The following PGM2L1 variants were observed in gnomAD, a reference collection of about 807,000 sequenced individuals.
PGM2L1 encodes the protein glucose 1,6-bisphosphate synthase.
In PGM2L1, 35 loss-of-function variants were observed where a neutral mutation model predicts 73.4. The observed-to-expected ratio is 0.48, with a 90% CI of 0.36 to 0.63. The LOEUF (loss-of-function observed/expected upper bound fraction) is 0.63. PGM2L1 is among the 30% of genes least tolerant of loss of function. PGM2L1 has a pLI of 0.00. For missense variants in PGM2L1, 570 were observed against 742.0 expected (o/e 0.77, Z 2.69); for synonymous variants, 225 against 253.8 (o/e 0.89, Z 1.08).
chr11:74,350,897 AAGAGAGAG>A (rs35421915), intron 6 of PGM2L1, among the ~76,000 whole-genome samples: 6 of 146,438 alleles, frequency 4.1e-5, no homozygotes, highest in African/African-American at 1.2e-4. Flanking sequence ...GAAAGAAAGA[AAGAGAGAG>A]AGAGAGAGAG....
chr11:74,363,117 A>C (rs1862592874), intron 5 of PGM2L1, among the ~76,000 whole-genome samples: 1 of 152,210 alleles, frequency 6.6e-6, no homozygotes, highest in East Asian at 1.9e-4. Context: ...TGGAAACTGA[A>C]CAACCTGCTC....
intron 5 of PGM2L1, chr11:74,355,365 C>A: frequency 1.5e-6 from 1 of 656,996 alleles, no homozygotes; most frequent in Non-Finnish European, 2.8e-6. Context: ...AGCAGCCTGG[C>A]CAATGTGACA....
rs1344729876 is a variant in PGM2L1 at position 74,334,347 on chromosome 11, TACA to T, written c.*2302_*2304del. 6.6e-5 allele frequency: 10 copies of T among 152,370 alleles called. No individual in the cohort carries two copies. The highest frequency in any genetic ancestry group is 6.8e-3 in the Middle Eastern group (2 of 294). The allele number at this position is 152,370 out of a possible 1,614,324, so 9.4% of individuals were successfully genotyped here. A position where few individuals can be genotyped will look rare whatever the true frequency, so the allele number is the denominator to read the frequency against. On this transcript the variant is annotated 3_prime_UTR_variant, in exon 14 of 14. Transcript: ENST00000298198. ...ACCAAATATACCTGTTTTTCATATA[TACA>T]ACATTATACCACTTTGCAGAATATA...
intron 5 of PGM2L1, among the ~76,000 whole-genome samples, chr11:74,368,196 C>T (rs1431229452): frequency 6.6e-6 from 1 of 152,140 alleles, no homozygotes; most frequent in Admixed American, 6.5e-5. Context: ...TTTTCAAGTA[C>T]TTGCTGCAAT....
At position 74,332,175 on chromosome 11, in the gene PGM2L1, T is replaced by G. The variant is rs1280073616; in HGVS notation, c.*4477A>C. ...GGGACAAATGTGAATAAGATTTCCTTAGATCTTGTGCTTTGGCTCCCCAAG... is the reference window on the plus strand; with the variant it reads ...GGGACAAATGTGAATAAGATTTCCTGAGATCTTGTGCTTTGGCTCCCCAAG... On this transcript the variant is annotated 3_prime_UTR_variant, in exon 14 of 14. Coordinates refer to ENST00000298198, the MANE Select transcript of PGM2L1 (RefSeq NM_173582.6). 6.6e-6 allele frequency: 1 copy of G among 152,196 alleles called. No individual in the cohort carries two copies. 9.4% of individuals were successfully genotyped at this position (152,196 alleles called of 1,614,324 possible).
chr11:74,351,834 C>T (rs1022315234), intron 5 of PGM2L1, among the ~76,000 whole-genome samples: 17 of 151,648 alleles, frequency 1.1e-4, no homozygotes, highest in Non-Finnish European at 2.2e-4. Flanking sequence ...TGGTGGCAGG[C>T]GCCTGTAGTC....
chr11:74,349,152 C>A (rs748188228), intron 6 of PGM2L1, among the ~76,000 whole-genome samples: 8 of 152,086 alleles, frequency 5.3e-5, no homozygotes, highest in Non-Finnish European at 1.0e-4. Context: ...AAATAATGAT[C>A]CTTCATCAAC....
chr11:74,362,953 T>C (rs1480004375), intron 5 of PGM2L1, among the ~76,000 whole-genome samples: 1 of 152,158 alleles, frequency 6.6e-6, no homozygotes. Flanking sequence ...CAGCACCACA[T>C]TGCACTTGTT....
Position 74,342,605 on chromosome 11 carries a change from T to A in PGM2L1, c.1488A>T (p.Glu496Asp). Reference protein sequence around the residue: ...ISKTSYFLCYEPPTIKSIFER... With the variant: ...ISKTSYFLCYDPPTIKSIFER... ...CAAATATACTTTTGATGGTAGGTGG[T>A]TCATAACACAAGAAATAGGAAGTTT... The change falls in exon 12 of 14, where the codon GAA (glutamate) becomes GAT (aspartate). Residue 496 changes from glutamate to aspartate, a missense_variant. Transcript: ENST00000298198. 6.3e-7 allele frequency: 1 copy of A among 1,599,578 alleles called. No homozygotes were observed. Among genetic ancestry groups the A allele is most frequent in the Non-Finnish European group, 8.5e-7 (1 of 1,173,130 alleles).
At chr11:74,363,134 G>A (rs1862593110) in intron 5 of PGM2L1, among the ~76,000 whole-genome samples, 1 of 152,178 alleles carries the variant, frequency 6.6e-6, no homozygotes, top group Admixed American at 6.5e-5. Flanking sequence ...GCTCCTGAAT[G>A]ACTACTGGGT....
chr11:74,346,270 CAAAAAAAAAA>C (rs751742460), intron 8 of PGM2L1, among the ~76,000 whole-genome samples: 4 of 57,880 alleles, frequency 6.9e-5, no homozygotes, highest in African/African-American at 2.1e-4. Flanking sequence ...ACTATGTCTC[CAAAAAAAAAA>C]AAAAAAAAAA....
chr11:74,354,131 G>C (rs952217662), intron 5 of PGM2L1, among the ~76,000 whole-genome samples: 3 of 152,048 alleles, frequency 2.0e-5, no homozygotes, highest in Admixed American at 2.0e-4. Context: ...AAAAACTGCA[G>C]AGACACAAAG....
At chr11:74,359,588 C>T (rs942947177) in intron 5 of PGM2L1, among the ~76,000 whole-genome samples, 3 of 150,384 alleles carry the variant, frequency 2.0e-5, no homozygotes, top group African/African-American at 7.4e-5. Context: ...TATACACATA[C>T]ATACACATAG....
intron 1 of PGM2L1, among the ~76,000 whole-genome samples, chr11:74,395,865 T>C (rs1863168033): frequency 6.6e-6 from 1 of 152,162 alleles, no homozygotes; most frequent in African/African-American, 2.4e-5. Flanking sequence ...ATGTGCATTT[T>C]ACAGGTTTCT....
Position 74,398,293 on chromosome 11 carries a change from TGTTC to T in PGM2L1, c.-136_-133del. 7.5e-7 allele frequency: 1 copy of T among 1,338,086 alleles called. No homozygotes were observed. The highest frequency in any genetic ancestry group is 9.8e-7 in the Non-Finnish European group (1 of 1,024,318). 82.9% of individuals were successfully genotyped at this position (1,338,086 alleles called of 1,614,324 possible). On this transcript the variant is annotated 5_prime_UTR_variant, in exon 1 of 14. Transcript: ENST00000298198. ...AGGGCATCGGAGACCAACCGCAGGG[TGTTC>T]GTAACAGCTCCTGCCGCGGCGTCAG...
chr11:74,355,870 A>C (rs916289142), intron 5 of PGM2L1: 7 of 412,176 alleles, frequency 1.7e-5, no homozygotes, highest in Non-Finnish European at 3.4e-5. Context: ...ACAAATACTC[A>C]TGTGTATGGG....
intron 5 of PGM2L1, among the ~76,000 whole-genome samples, chr11:74,361,174 CGG>C (rs2134913614): frequency 6.6e-6 from 1 of 152,274 alleles, no homozygotes; most frequent in Non-Finnish European, 1.5e-5. Flanking sequence ...ACACCTCACA[CGG>C]CCGGGTACCC....
In PGM2L1 at chr11:74,347,251, A is replaced by C; in HGVS notation, c.836T>G (p.Val279Gly). The C allele has an allele frequency of 6.2e-7, 1 of 1,613,388 alleles. No individual in the cohort carries two copies. Among genetic ancestry groups the C allele is most frequent in the Non-Finnish European group, 8.5e-7 (1 of 1,179,580 alleles). The change falls in exon 7 of 14, where the codon GTG (valine) becomes GGG (glycine). Residue 279 changes from valine to glycine, a missense_variant. Val to Gly is a moderately radical substitution (Grantham distance 109). Coordinates refer to ENST00000298198, the MANE Select transcript of PGM2L1 (RefSeq NM_173582.6). Reference protein sequence around the residue: ...GHDYVQLAFKVFGFKPPIPVP... With the variant: ...GHDYVQLAFKGFGFKPPIPVP... ...TGGAATTGGAGGCTTAAAACCAAAC[A>C]CTTTAAAAGCCAACTGCACATAGTC... is the stretch of plus-strand genomic sequence containing the variant.
intron 1 of PGM2L1, among the ~76,000 whole-genome samples, chr11:74,387,343 G>T (rs781776465): frequency 2.0e-5 from 3 of 152,072 alleles, no homozygotes; most frequent in Non-Finnish European, 4.4e-5. Flanking sequence ...TCTGAGCCTG[G>T]GTTTGTGCAT....
Sources: allele counts gnomAD v4.1 joint callset (sites outside exome capture counted in the v4.1 genomes callset), GRCh38; gene constraint gnomAD v4.1.1; transcripts MANE v1.5; gene names NCBI Gene and HGNC (gene_info 2026-07-23, HGNC 2026-07-21).